Variants in ADCY3 observed in about 807,000 individuals in gnomAD.
ADCY3 encodes the protein adenylate cyclase type 3.
Under a neutral mutation model 119.4 loss-of-function variants are expected in ADCY3, and 70 were observed. That is an observed-to-expected ratio of 0.59 (90% CI 0.48 to 0.72). The LOEUF (loss-of-function observed/expected upper bound fraction) is 0.72, where lower values mean the gene tolerates loss of function less well. Ranked by LOEUF, ADCY3 falls within the 30% of genes least tolerant of loss-of-function variation. ADCY3 has a pLI of 0.00. For synonymous variants in ADCY3, 672 were observed against 621.4 expected (o/e 1.08, Z -1.21); for missense variants, 1,238 against 1,541.6 (o/e 0.80, Z 3.30).
chr2:24,820,943 C>T (rs1338514050), intron 20 of ADCY3, 95 bp from the exon 21 acceptor site: 2 of 1,507,344 alleles, frequency 1.3e-6, no homozygotes, highest in Non-Finnish European at 1.8e-6. Context: ...CCACAAAGCT[C>T]CTAATGTAAC....
rs1381282203 is a variant in ADCY3 at position 24,919,195 on chromosome 2, C to A, written c.-197-11G>T. 3.4e-6 allele frequency: 2 copies of A among 585,042 alleles called. No individual in the cohort carries two copies. The highest frequency in any genetic ancestry group is 6.1e-6 in the Non-Finnish European group (2 of 330,138). The allele number at this position is 585,042 out of a possible 1,614,324, so 36.2% of individuals were successfully genotyped here. On this transcript the variant is annotated splice_polypyrimidine_tract_variant and intron_variant, in intron 1 of 21. Coordinates refer to ENST00000679454, the MANE Select transcript of ADCY3 (RefSeq NM_004036.5). The surrounding 1 kb of genome is among the most constrained non-coding windows in gnomAD (Gnocchi z 5.5). Reference sequence around the variant, plus strand: ...ACTGATCAGCTAGAACTGAAAAGGGCATTGCTGAGTAGAAGCACCTCTTCC... The same window carrying A: ...ACTGATCAGCTAGAACTGAAAAGGGAATTGCTGAGTAGAAGCACCTCTTCC...
In ADCY3 at chr2:24,819,792, C is replaced by CA. The variant is rs1316329430; in HGVS notation, c.*139dup. 8.9e-6 allele frequency: 8 copies of CA among 897,338 alleles called. No homozygotes were observed. Among genetic ancestry groups the CA allele is most frequent in the African/African-American group, 1.7e-5 (1 of 58,716 alleles). 55.6% of individuals were successfully genotyped at this position (897,338 alleles called of 1,614,324 possible). A position where few individuals can be genotyped will look rare whatever the true frequency, so the allele number is the denominator to read the frequency against. On this transcript the variant is annotated 3_prime_UTR_variant, in exon 22 of 22. Transcript: ENST00000679454. Reference sequence around the variant, plus strand: ...GGGCCACCCTCAGAGCTCACACATCCACGAACAAATGAAGGCTGAGGAGGT... The same window carrying CA: ...GGGCCACCCTCAGAGCTCACACATCCAACGAACAAATGAAGGCTGAGGAGGT...
intron 3 of ADCY3, among the ~76,000 whole-genome samples, chr2:24,849,348 C>T (rs1373763905): frequency 6.6e-6 from 1 of 152,148 alleles, no homozygotes; most frequent in Non-Finnish European, 1.5e-5. Flanking sequence ...AGACTGTCTA[C>T]CAATACAGAA....
intron 19 of ADCY3, chr2:24,822,038 C>T (rs1050203638): frequency 6.9e-5 from 14 of 203,734 alleles, no homozygotes; most frequent in South Asian, 1.1e-4. Context: ...ATAATAGGGC[C>T]GTGGGATGGT....
intron 2 of ADCY3, chr2:24,877,855 C>T: frequency 4.2e-6 from 2 of 470,604 alleles, no homozygotes; most frequent in Non-Finnish European, 8.8e-6. Context: ...TACTTCTGGG[C>T]CCAAGGGCAA....
At chr2:24,870,037 A>C (rs1364864886) in intron 3 of ADCY3, among the ~76,000 whole-genome samples, 2 of 152,018 alleles carry the variant, frequency 1.3e-5, no homozygotes, top group Non-Finnish European at 2.9e-5. Flanking sequence ...TCAGCAGGTC[A>C]CGGTGGCTCA....
chr2:24,905,960 G>A (rs909495860), intron 2 of ADCY3, among the ~76,000 whole-genome samples: 10 of 152,056 alleles, frequency 6.6e-5, no homozygotes, highest in Non-Finnish European at 1.3e-4. Context: ...GGTGAGGGTC[G>A]ACCAAGACTC....
intron 12 of ADCY3, 137 bp from the exon 13 acceptor site, chr2:24,830,962 C>G (rs1669408899): frequency 1.5e-6 from 1 of 672,764 alleles, no homozygotes; most frequent in South Asian, 1.8e-5. Context: ...AGTCACCTGA[C>G]AGCTGACCAA....
Position 24,830,249 on chromosome 2 carries a change from C to A in ADCY3, c.2172+460G>T, listed in dbSNP as rs533211148. ...ACAGATGGGGTTTCACCATGTTGGCCAGGCTGGTTTCGAACTCCTGACCTC... is the reference window on the plus strand; with the variant it reads ...ACAGATGGGGTTTCACCATGTTGGCAAGGCTGGTTTCGAACTCCTGACCTC... On this transcript the variant is annotated intron_variant, in intron 13 of 21. Coordinates refer to ENST00000679454, the MANE Select transcript of ADCY3 (RefSeq NM_004036.5). Among the ~76,000 whole-genome samples, 81 of 151,692 alleles carry A rather than the reference C, an allele frequency of 5.3e-4. 4 individuals carry two copies. Among genetic ancestry groups the A allele is most frequent in the African/African-American group, 1.9e-3 (79 of 41,284 alleles).
chr2:24,828,427 C>T (rs1668935151), intron 13 of ADCY3, among the ~76,000 whole-genome samples: 1 of 152,142 alleles, frequency 6.6e-6, no homozygotes, highest in African/African-American at 2.4e-5. Flanking sequence ...AAACTCGGGC[C>T]AGATTTGCCC....
intron 3 of ADCY3, among the ~76,000 whole-genome samples, chr2:24,848,760 G>A (rs1291062106): frequency 2.6e-5 from 4 of 152,198 alleles, no homozygotes; most frequent in African/African-American, 9.6e-5. Context: ...GAGACAGCAG[G>A]TGGCTCAAAA....
intron 11 of ADCY3, among the ~76,000 whole-genome samples, chr2:24,833,894 A>G (rs1370821521): frequency 6.6e-6 from 1 of 152,224 alleles, no homozygotes; most frequent in African/African-American, 2.4e-5. Flanking sequence ...ACAAACTGTA[A>G]TCCCAGCAGG....
At position 24,918,918 on chromosome 2, in the gene ADCY3, G is replaced by A. The variant is rs377301245; in HGVS notation, c.70C>T (p.Leu24=). Residue 24 remains leucine (L), a synonymous_variant, in exon 2 of 22, where the codon CTG becomes TTG. Transcript: ENST00000679454. This position sits in a 1 kb window ranked among gnomAD's most constrained non-coding sequence, Gnocchi z 5.4. Reference sequence around the variant, plus strand: ...ACCCCGCGGTCAGGGTCGGAGGGCAGGCTGACGGAGTACTCGGCTGAGTAC... The same window carrying A: ...ACCCCGCGGTCAGGGTCGGAGGGCAAGCTGACGGAGTACTCGGCTGAGTAC... ...AEYSAEYSVS[L]PSDPDRGVGR... 1.1e-5 allele frequency: 17 copies of A among 1,612,382 alleles called. No homozygotes were observed. Among genetic ancestry groups the A allele is most frequent in the African/African-American group, 1.3e-5 (1 of 74,936 alleles).
In ADCY3 at chr2:24,841,465, G is replaced by A. The variant is rs1671005320; in HGVS notation, c.1069-79C>T. 1 of 1,592,480 alleles carries A rather than the reference G, an allele frequency of 6.3e-7. No individual in the cohort carries two copies. The highest frequency in any genetic ancestry group is 1.3e-5 in the African/African-American group (1 of 74,632). On this transcript the variant is annotated intron_variant, in intron 5 of 21. Transcript: ENST00000679454. This position sits in a 1 kb window ranked among gnomAD's most constrained non-coding sequence, Gnocchi z 5.8. ...TGGCCAAGAAAGCAGAGGAAGGACA[G>A]TGGGAGAAAATCATGGGGCCGGGGA...
chr2:24,874,172 C>T (rs1675363176), intron 2 of ADCY3, among the ~76,000 whole-genome samples: 1 of 152,164 alleles, frequency 6.6e-6, no homozygotes, highest in East Asian at 1.9e-4. Flanking sequence ...TTCCTGCAGC[C>T]TCTGTGGCAC....
In ADCY3 at chr2:24,894,683, T is replaced by C. The variant is rs75070679; in HGVS notation, c.676-21964A>G. ...AAGATAACTTTCATATGTTTCCATA[T>C]AATTTACCATTTGGAAGCCTCTTCA... On this transcript the variant is annotated intron_variant, in intron 2 of 21. Coordinates refer to ENST00000679454, the MANE Select transcript of ADCY3 (RefSeq NM_004036.5). Among the ~76,000 whole-genome samples, 1,302 of 151,944 alleles carry C rather than the reference T, an allele frequency of 8.6e-3. 6 individuals carry two copies. Among genetic ancestry groups the C allele is most frequent in the Non-Finnish European group, 0.013 (897 of 68,000 alleles).
rs1035517020 is a variant in ADCY3 at position 24,920,141 on chromosome 2, G to T, written c.-656C>A. ...CGGGGAAGCCCGCCAGCATCCTCTC[G>T]CCCGCCCGCGCCGAGCCGAGCCAGC... On this transcript the variant is annotated 5_prime_UTR_variant, in exon 1 of 22. Coordinates refer to ENST00000679454, the MANE Select transcript of ADCY3 (RefSeq NM_004036.5). The surrounding 1 kb of genome is among the most constrained non-coding windows in gnomAD (Gnocchi z 4.5). Among the ~76,000 whole-genome samples the T allele has an allele frequency of 1.4e-5, 2 of 146,170 alleles. No homozygotes were observed. The highest frequency in any genetic ancestry group is 3.0e-5 in the Non-Finnish European group (2 of 65,744).
intron 3 of ADCY3, among the ~76,000 whole-genome samples, chr2:24,855,259 C>A (rs1022199315): frequency 1.1e-4 from 16 of 151,494 alleles, no homozygotes; most frequent in African/African-American, 3.9e-4. Context: ...AGAAAAGGGA[C>A]AAGACTTGCT....
intron 2 of ADCY3, among the ~76,000 whole-genome samples, chr2:24,911,140 T>C (rs13035244): frequency 0.52 from 78,522 of 150,846 alleles, 22,570 homozygotes; most frequent in African/African-American, 0.78. Context: ...CTCCTTCTAA[T>C]GCTTGTGGGT....
Sources: allele counts gnomAD v4.1 joint callset (sites outside exome capture counted in the v4.1 genomes callset), GRCh38; gene constraint gnomAD v4.1.1; non-coding constraint Gnocchi (gnomAD v3.1); transcripts MANE v1.5; gene names NCBI Gene and HGNC (gene_info 2026-07-23, HGNC 2026-07-21).